The following CTDSPL2 variants were observed in gnomAD, a reference collection of about 807,000 sequenced individuals.
The protein encoded by CTDSPL2 is CTD small phosphatase like 2.
In CTDSPL2, 5 loss-of-function variants were observed where a neutral mutation model predicts 60.0. The observed-to-expected ratio is 0.08, with a 90% CI of 0.04 to 0.18. The LOEUF (loss-of-function observed/expected upper bound fraction) is 0.18. Among genes scored for constraint, CTDSPL2 ranks in the 10% least tolerant of loss-of-function variants. CTDSPL2 has a pLI of 1.00. For missense variants in CTDSPL2, 370 were observed against 548.8 expected (o/e 0.67, Z 3.26); for synonymous variants, 186 against 189.3 (o/e 0.98, Z 0.14).
intron 1 of CTDSPL2, among the ~76,000 whole-genome samples, chr15:44,456,878 GT>G (rs578000884): frequency 3.0e-5 from 3 of 101,060 alleles, no homozygotes; most frequent in Admixed American, 2.9e-4. Context: ...TTTTTTTTTT[GT>G]TTTTTTTTCT....
At chr15:44,458,218 G>A (rs997723225) in intron 1 of CTDSPL2, among the ~76,000 whole-genome samples, 2 of 152,186 alleles carry the variant, frequency 1.3e-5, no homozygotes, top group Admixed American at 1.3e-4. Context: ...CATGATTGGA[G>A]TAGGATTAAA....
chr15:44,439,346 A>T (rs527517908), intron 1 of CTDSPL2, among the ~76,000 whole-genome samples: 2 of 151,656 alleles, frequency 1.3e-5, no homozygotes, highest in African/African-American at 4.8e-5. Flanking sequence ...ACGGGGTTTC[A>T]CCATATTGAC....
chr15:44,478,081 T>C (rs2080954596), intron 2 of CTDSPL2, among the ~76,000 whole-genome samples: 1 of 152,132 alleles, frequency 6.6e-6, no homozygotes, highest in Non-Finnish European at 1.5e-5. Flanking sequence ...TCCATCTGTT[T>C]GATGTGCTTG....
intron 2 of CTDSPL2, among the ~76,000 whole-genome samples, chr15:44,483,283 G>GA (rs956540703): frequency 6.7e-6 from 1 of 149,236 alleles, no homozygotes; most frequent in African/African-American, 2.5e-5. Context: ...AAAAGAAAAA[G>GA]AAAAAATCAC....
At chr15:44,464,717 G>A (rs548384167) in intron 2 of CTDSPL2, among the ~76,000 whole-genome samples, 82 of 151,992 alleles carry the variant, frequency 5.4e-4, no homozygotes, top group Non-Finnish European at 9.4e-4. Context: ...TTTTTTGTGC[G>A]TGTATGTGAG....
intron 8 of CTDSPL2, among the ~76,000 whole-genome samples, chr15:44,505,833 A>G (rs1016148795): frequency 6.6e-6 from 1 of 152,022 alleles, no homozygotes; most frequent in African/African-American, 2.4e-5. Context: ...ATTACATTAA[A>G]TTGGAGGCTT....
At chr15:44,434,973 A>T (rs2079943645) in intron 1 of CTDSPL2, among the ~76,000 whole-genome samples, 1 of 152,198 alleles carries the variant, frequency 6.6e-6, no homozygotes, top group African/African-American at 2.4e-5. Flanking sequence ...GGATTAAAAT[A>T]ACCTTCGACC....
chr15:44,434,485 C>G (rs1445765328), intron 1 of CTDSPL2, among the ~76,000 whole-genome samples: 1 of 152,214 alleles, frequency 6.6e-6, no homozygotes, highest in African/African-American at 2.4e-5. Context: ...CCTTCACCTC[C>G]TGGGCTCAAG....
chr15:44,443,150 C>T (rs1467678362), intron 1 of CTDSPL2, among the ~76,000 whole-genome samples: 1 of 152,128 alleles, frequency 6.6e-6, no homozygotes, highest in Non-Finnish European at 1.5e-5. Flanking sequence ...TGTTGTCTAC[C>T]ATCTGTCTCC....
chr15:44,501,917 A>G (rs1336267744), intron 8 of CTDSPL2: 3 of 441,874 alleles, frequency 6.8e-6, no homozygotes, highest in Non-Finnish European at 1.4e-5. Flanking sequence ...TTTTCAGACC[A>G]GCAAGCTCCC....
At chr15:44,431,455 T>C (rs2079855376) in intron 1 of CTDSPL2, among the ~76,000 whole-genome samples, 1 of 152,226 alleles carries the variant, frequency 6.6e-6, no homozygotes, top group Non-Finnish European at 1.5e-5. Flanking sequence ...TACAAATAGG[T>C]AGACTAGGTA....
intron 10 of CTDSPL2, among the ~76,000 whole-genome samples, chr15:44,518,208 G>A (rs1471726838): frequency 6.6e-6 from 1 of 152,062 alleles, no homozygotes; most frequent in Non-Finnish European, 1.5e-5. Context: ...AATTGTTAGT[G>A]TGATTAAGAC....
chr15:44,444,841 TTTTTTTTTTTTTTTTTTTTTTTTTTAGA>T (rs1420088100), intron 1 of CTDSPL2, among the ~76,000 whole-genome samples: 11 of 114,396 alleles, frequency 9.6e-5, no homozygotes, highest in Admixed American at 8.1e-4. Flanking sequence ...ATGTAGTTTT[TTTTTTTTTTTTTTTTTTTTTTTTTTAGA>T]CGGAGTCTCC....
chr15:44,521,466 T>G, intron 12 of CTDSPL2, 60 bp downstream of exon 12: 2 of 913,852 alleles, frequency 2.2e-6, no homozygotes, highest in South Asian at 3.1e-5. Flanking sequence ...TTGAAATAAA[T>G]ATTTTTAAAT....
chr15:44,508,170 C>T (rs1235368881), intron 8 of CTDSPL2, among the ~76,000 whole-genome samples: 5 of 151,874 alleles, frequency 3.3e-5, no homozygotes, highest in Admixed American at 6.6e-5. Flanking sequence ...GCAGCCTCAA[C>T]CTCCTGGGTT....
intron 8 of CTDSPL2, among the ~76,000 whole-genome samples, chr15:44,510,269 A>G (rs1233956990): frequency 6.6e-6 from 1 of 152,164 alleles, no homozygotes; most frequent in Non-Finnish European, 1.5e-5. Context: ...AAGTGCTGGG[A>G]TTACAGGCGT....
intron 2 of CTDSPL2, among the ~76,000 whole-genome samples, chr15:44,477,664 C>G (rs1172415107): frequency 6.6e-6 from 1 of 151,918 alleles, no homozygotes; most frequent in African/African-American, 2.4e-5. Flanking sequence ...TGGAGAAACC[C>G]TGTCTCTACT....
intron 1 of CTDSPL2, 147 bp from the exon 2 acceptor site, chr15:44,458,844 G>A (rs773259725): frequency 4.9e-6 from 2 of 407,802 alleles, no homozygotes; most frequent in African/African-American, 4.2e-5. Context: ...TTAAAATGTT[G>A]GTTTCTTACT....
intron 1 of CTDSPL2, among the ~76,000 whole-genome samples, chr15:44,432,801 A>C (rs1324138569): frequency 6.6e-6 from 1 of 151,122 alleles, no homozygotes; most frequent in Non-Finnish European, 1.5e-5. Context: ...TTATATTTTT[A>C]GTAGAGATAG....
Sources: gnomAD v4.1 joint callset for allele counts (sites outside exome capture counted in the v4.1 genomes callset) on GRCh38, gnomAD v4.1.1 for gene constraint, MANE v1.5 for transcripts, NCBI Gene and HGNC (gene_info 2026-07-23, HGNC 2026-07-21) for gene names.